BORA: variants seen among roughly 807,000 people sequenced by gnomAD.
The protein encoded by BORA is protein aurora borealis.
A neutral mutation model predicts 55.8 loss-of-function variants in BORA; 26 were observed. That is an observed-to-expected ratio of 0.47 (90% CI 0.34 to 0.65). The LOEUF (loss-of-function observed/expected upper bound fraction) is 0.65. Among genes scored for constraint, BORA ranks in the 30% least tolerant of loss-of-function variants. BORA has a pLI of 0.01. For synonymous variants in BORA, 201 were observed against 216.9 expected, an observed-to-expected ratio of 0.93 and a Z score of 0.64; for missense variants, 568 against 671.5, an observed-to-expected ratio of 0.85 and a Z score of 1.70.
intron 5 of BORA, among the ~76,000 whole-genome samples, chr13:72,739,356 C>G (rs1047388384): frequency 3.9e-5 from 6 of 152,184 alleles, no homozygotes; most frequent in African/African-American, 1.2e-4. Flanking sequence ...GAAATCTAAT[C>G]AAGCCCACGA....
At chr13:72,751,328 A>G (rs1393837155) in intron 10 of BORA, among the ~76,000 whole-genome samples, 1 of 152,250 alleles carries the variant, frequency 6.6e-6, no homozygotes, top group Non-Finnish European at 1.5e-5. Context: ...TATTCATAAT[A>G]GCCAGAATAT....
rs79683577 is a variant in BORA, at chr13:72,738,691, C to A, written c.388+648C>A. Among the ~76,000 whole-genome samples, 706 of 152,188 alleles carry A rather than the reference C, an allele frequency of 4.6e-3. 8 individuals are homozygous for A. Among genetic ancestry groups the A allele is most frequent in the African/African-American group, 0.016 (658 of 41,506 alleles). ...TATTGTAGTATACCTTAATTATGCTCTCAGTATAAGAGGGAATGTTTGTTC... is the reference window on the plus strand; with the variant it reads ...TATTGTAGTATACCTTAATTATGCTATCAGTATAAGAGGGAATGTTTGTTC... On this transcript the variant is annotated intron_variant, in intron 5 of 11. Transcript: ENST00000390667.
chr13:72,749,508 CTT>C (rs11312050), intron 10 of BORA, among the ~76,000 whole-genome samples: 10 of 150,680 alleles, frequency 6.6e-5, no homozygotes, highest in Non-Finnish European at 8.9e-5. Flanking sequence ...TTCTAAAAAT[CTT>C]TTTTTTTTTA....
At chr13:72,744,021 G>A (rs942704312) in intron 6 of BORA, among the ~76,000 whole-genome samples, 1 of 152,130 alleles carries the variant, frequency 6.6e-6, no homozygotes, top group East Asian at 1.9e-4. Flanking sequence ...ACAGGCATGA[G>A]CCACCAAGCC....
At chr13:72,741,072 A>G (rs111498313) in intron 5 of BORA, among the ~76,000 whole-genome samples, 2,191 of 152,346 alleles carry the variant, frequency 0.014, 49 homozygotes, top group African/African-American at 0.047. Context: ...TATTATTAAT[A>G]TTTATGCAGC....
At chr13:72,735,172 T>G (rs2032893942) in intron 4 of BORA, among the ~76,000 whole-genome samples, 167 bp downstream of exon 4, 1 of 152,218 alleles carries the variant, frequency 6.6e-6, no homozygotes, top group Admixed American at 6.5e-5. Flanking sequence ...CTAAGACCAA[T>G]AATTTCCAGC....
chr13:72,736,433 G>A (rs945817996), intron 4 of BORA, among the ~76,000 whole-genome samples: 1 of 152,028 alleles, frequency 6.6e-6, no homozygotes, highest in Non-Finnish European at 1.5e-5. Flanking sequence ...AATAGCATAT[G>A]TCCTTAAAAT....
At chr13:72,750,442 A>G (rs1042463773) in intron 10 of BORA, among the ~76,000 whole-genome samples, 36 of 152,112 alleles carry the variant, frequency 2.4e-4, no homozygotes, top group African/African-American at 8.7e-4. Flanking sequence ...TCAAAGTCAG[A>G]TCTTTTTGTA....
At chr13:72,740,559 A>G (rs1300711818) in intron 5 of BORA, among the ~76,000 whole-genome samples, 1 of 152,170 alleles carries the variant, frequency 6.6e-6, no homozygotes, top group African/African-American at 2.4e-5. Flanking sequence ...CCATCATCAC[A>G]GAAAATGTTC....
At chr13:72,753,506 A>G in intron 10 of BORA, 184 bp from the exon 11 acceptor site, 1 of 526,898 alleles carries the variant, frequency 1.9e-6, no homozygotes, top group Non-Finnish European at 3.2e-6. Context: ...TGACTACAAT[A>G]ATCAGTACTA....
At chr13:72,749,073 C>T (rs2033210735) in intron 10 of BORA, among the ~76,000 whole-genome samples, 1 of 150,490 alleles carries the variant, frequency 6.6e-6, no homozygotes, top group Non-Finnish European at 1.5e-5. Flanking sequence ...TACATTTCTG[C>T]CACATGGTTA....
chr13:72,728,826 T>C, intron 1 of BORA, 100 bp from the exon 2 acceptor site: 1 of 1,061,890 alleles, frequency 9.4e-7, no homozygotes, highest in South Asian at 2.0e-5. Context: ...AGGTTTTGAG[T>C]TGTTTTTTGT....
intron 5 of BORA, among the ~76,000 whole-genome samples, chr13:72,740,152 C>A (rs547242910): frequency 6.6e-6 from 1 of 152,194 alleles, no homozygotes; most frequent in African/African-American, 2.4e-5. Context: ...TGAATGAGCC[C>A]TGCTTTTTGT....
chr13:72,741,329 T>C (rs1477869724), intron 5 of BORA, among the ~76,000 whole-genome samples: 1 of 152,232 alleles, frequency 6.6e-6, no homozygotes, highest in African/African-American at 2.4e-5. Context: ...ATCTTTGCCT[T>C]TCCTATAGGT....
At chr13:72,736,870 CT>C (rs55986067) in intron 4 of BORA, among the ~76,000 whole-genome samples, 47,364 of 146,792 alleles carry the variant, frequency 0.32, 8,285 homozygotes, top group East Asian at 0.52. Flanking sequence ...TTAAAAATGA[CT>C]TTTTTTTTTT....
intron 4 of BORA, among the ~76,000 whole-genome samples, chr13:72,737,228 C>T (rs2032948257): frequency 1.3e-5 from 2 of 152,052 alleles, no homozygotes; most frequent in South Asian, 4.1e-4. Context: ...GCTCTCTGGT[C>T]GTGGAAGGAG....
At position 72,755,918 on chromosome 13, in the gene BORA, C is replaced by G; in HGVS notation, c.*702C>G. 1 of 398,404 alleles carries G rather than the reference C, an allele frequency of 2.5e-6. No individual in the cohort carries two copies. The highest frequency in any genetic ancestry group is 3.6e-5 in the East Asian group (1 of 28,068). 24.7% of individuals were successfully genotyped at this position (398,404 alleles called of 1,614,324 possible). ...GTAGGGACATCCTTTCCAGCTCAAA[C>G]GTGGGTAGGGATGTGGGAGAATAAG... On this transcript the variant is annotated 3_prime_UTR_variant, in exon 12 of 12. Transcript: ENST00000390667.
chr13:72,750,286 A>G (rs905315168), intron 10 of BORA, among the ~76,000 whole-genome samples: 2 of 152,224 alleles, frequency 1.3e-5, no homozygotes, highest in Non-Finnish European at 2.9e-5. Flanking sequence ...AAAAGGGGCT[A>G]ATGGACTAAT....
intron 10 of BORA, among the ~76,000 whole-genome samples, chr13:72,749,884 T>C (rs1473416020): frequency 4.6e-5 from 7 of 152,234 alleles, no homozygotes; most frequent in Non-Finnish European, 1.0e-4. Context: ...GACCTCATTA[T>C]ATGCTTTCAT....
Sources: allele counts gnomAD v4.1 joint callset (sites outside exome capture counted in the v4.1 genomes callset), GRCh38; gene constraint gnomAD v4.1.1; transcripts MANE v1.5; gene names NCBI Gene and HGNC (gene_info 2026-07-23, HGNC 2026-07-21).